Variants in CACNA2D3 observed in about 807,000 individuals in gnomAD.
CACNA2D3 encodes the protein voltage-dependent calcium channel subunit alpha-2/delta-3.
A neutral mutation model predicts 160.6 loss-of-function variants in CACNA2D3; 60 were observed. The observed-to-expected ratio is 0.37, with a 90% CI of 0.30 to 0.46. The LOEUF (loss-of-function observed/expected upper bound fraction) is 0.46. CACNA2D3 is among the 20% of genes least tolerant of loss of function. The pLI is 1.00. For synonymous variants in CACNA2D3, 558 were observed against 492.9 expected, an observed-to-expected ratio of 1.13 and a Z score of -1.75; for missense variants, 1,205 against 1,365.0, an observed-to-expected ratio of 0.88 and a Z score of 1.85.
At chr3:54,886,935 CTT>C (rs60899252) in intron 23 of CACNA2D3, among the ~76,000 whole-genome samples, 18 of 107,692 alleles carry the variant, frequency 1.7e-4, no homozygotes, top group Admixed American at 2.3e-4. Context: ...CAGCAAAGCT[CTT>C]TTTTTTTTTT....
intron 35 of CACNA2D3, among the ~76,000 whole-genome samples, chr3:55,060,341 T>C (rs562045317): frequency 2.2e-4 from 34 of 152,226 alleles, no homozygotes; most frequent in African/African-American, 7.2e-4. Flanking sequence ...TGGTAGACGA[T>C]GTTGGTGGTG....
chr3:54,676,181 T>C (rs572758957), intron 11 of CACNA2D3, among the ~76,000 whole-genome samples: 1 of 152,330 alleles, frequency 6.6e-6, no homozygotes, highest in Admixed American at 6.5e-5. Flanking sequence ...TCTTGGCTTA[T>C]AGCAGGCCCT....
At chr3:54,406,125 A>G (rs1699571669) in intron 4 of CACNA2D3, among the ~76,000 whole-genome samples, 1 of 152,130 alleles carries the variant, frequency 6.6e-6, no homozygotes, top group Non-Finnish European at 1.5e-5. Context: ...CCATTATGAA[A>G]AACAGTATGG....
chr3:54,719,669 G>T (rs1575439728), intron 11 of CACNA2D3, among the ~76,000 whole-genome samples: 1 of 151,848 alleles, frequency 6.6e-6, no homozygotes, highest in Admixed American at 6.6e-5. Context: ...AAAATGAGTT[G>T]GGCAGAGTTT....
At chr3:54,776,273 C>T (rs1055466695) in intron 13 of CACNA2D3, among the ~76,000 whole-genome samples, 5 of 152,092 alleles carry the variant, frequency 3.3e-5, no homozygotes, top group Admixed American at 6.6e-5. Flanking sequence ...CAGCACTTAG[C>T]GAGGCTTAGG....
At chr3:54,878,683 C>A in intron 18 of CACNA2D3, 1 of 188,782 alleles carries the variant, frequency 5.3e-6, no homozygotes. Context: ...TTTTTGAAAA[C>A]GTACCTTGTC....
At chr3:54,331,785 C>A (rs544796630) in intron 3 of CACNA2D3, among the ~76,000 whole-genome samples, 2 of 152,264 alleles carry the variant, frequency 1.3e-5, no homozygotes, top group South Asian at 4.2e-4. Context: ...GGATGTTTAG[C>A]TCTTGTTCAG....
intron 4 of CACNA2D3, among the ~76,000 whole-genome samples, chr3:54,430,113 T>C (rs761530568): frequency 2.6e-5 from 4 of 152,250 alleles, no homozygotes; most frequent in African/African-American, 4.8e-5. Context: ...ATGCTAATTA[T>C]GTCCTTGCTG....
intron 2 of CACNA2D3, among the ~76,000 whole-genome samples, chr3:54,145,734 CA>C (rs1700016312): frequency 6.6e-6 from 1 of 152,234 alleles, no homozygotes; most frequent in Admixed American, 6.5e-5. Flanking sequence ...GATAGACCAA[CA>C]GGCAACTTTT....
chr3:54,741,294 G>A (rs1424868578), intron 11 of CACNA2D3, among the ~76,000 whole-genome samples: 1 of 152,144 alleles, frequency 6.6e-6, no homozygotes, highest in Non-Finnish European at 1.5e-5. Flanking sequence ...TCTAGGCAAA[G>A]GGCACCTTTG....
intron 17 of CACNA2D3, among the ~76,000 whole-genome samples, chr3:54,848,692 C>T (rs141928512): frequency 0.011 from 1,741 of 152,306 alleles, 33 homozygotes; most frequent in African/African-American, 0.04. Flanking sequence ...GAGCAAAAGA[C>T]GCAGCATAGT....
chr3:54,588,170 A>G (rs752544592), intron 9 of CACNA2D3, among the ~76,000 whole-genome samples: 5 of 152,238 alleles, frequency 3.3e-5, no homozygotes, highest in Non-Finnish European at 7.3e-5. Context: ...TGTCAAATCA[A>G]TCAATGTAAT....
chr3:54,417,912 A>G (rs914159758), intron 4 of CACNA2D3, among the ~76,000 whole-genome samples: 1 of 151,916 alleles, frequency 6.6e-6, no homozygotes, highest in East Asian at 1.9e-4. Context: ...TCAGCCTCCT[A>G]AATAGCTGGG....
At chr3:54,683,732 G>A (rs538453541) in intron 11 of CACNA2D3, among the ~76,000 whole-genome samples, 2 of 152,142 alleles carry the variant, frequency 1.3e-5, no homozygotes, top group South Asian at 4.2e-4. Context: ...TAAAACAATA[G>A]ACATTTATTC....
intron 2 of CACNA2D3, among the ~76,000 whole-genome samples, chr3:54,164,179 T>C (rs375964885): frequency 1.3e-5 from 2 of 152,336 alleles, no homozygotes; most frequent in East Asian, 1.9e-4. Context: ...TGTCACTGTT[T>C]CTGTGTGTGA....
intron 17 of CACNA2D3, among the ~76,000 whole-genome samples, chr3:54,853,331 G>A (rs1322584135): frequency 3.3e-5 from 5 of 152,198 alleles, no homozygotes; most frequent in African/African-American, 4.8e-5. Flanking sequence ...TAAATATTTG[G>A]TGAATGATCT....
At chr3:54,199,725 C>T (rs1438652653) in intron 2 of CACNA2D3, among the ~76,000 whole-genome samples, 1 of 152,216 alleles carries the variant, frequency 6.6e-6, no homozygotes, top group South Asian at 2.1e-4. Flanking sequence ...TGATAGCATG[C>T]AATTGTTAAA....
intron 17 of CACNA2D3, among the ~76,000 whole-genome samples, chr3:54,859,463 T>C (rs1401113595): frequency 6.6e-6 from 1 of 152,200 alleles, no homozygotes; most frequent in Non-Finnish European, 1.5e-5. Flanking sequence ...ATTTGGAATT[T>C]TGAGGCAAAG....
At chr3:54,233,202 C>A (rs1302954899) in intron 2 of CACNA2D3, among the ~76,000 whole-genome samples, 1 of 152,192 alleles carries the variant, frequency 6.6e-6, no homozygotes, top group African/African-American at 2.4e-5. Flanking sequence ...TCCCTCCCAT[C>A]CCCAGAATAT....
Sources: gnomAD v4.1 joint callset for allele counts (sites outside exome capture counted in the v4.1 genomes callset) on GRCh38, gnomAD v4.1.1 for gene constraint, MANE v1.5 for transcripts, NCBI Gene and HGNC (gene_info 2026-07-23, HGNC 2026-07-21) for gene names.